The following RP1L1 variants were observed in gnomAD, a reference collection of about 807,000 sequenced individuals.
RP1L1 encodes RP1 like 1, also known as retinitis pigmentosa 1-like 1 protein.
A neutral mutation model predicts 15.7 loss-of-function variants in RP1L1; 27 were observed. The ratio of observed to expected loss-of-function variants is 1.72; its 90% CI spans 1.27 to 2.38. The LOEUF (loss-of-function observed/expected upper bound fraction) is 2.38, where lower values mean the gene tolerates loss of function less well. Ranked by LOEUF, RP1L1 falls within the 30% of genes most tolerant of loss-of-function variation. RP1L1 has a pLI of 0.00. For missense variants in RP1L1, 4,798 were observed against 3,075.9 expected, an observed-to-expected ratio of 1.56 and a Z score of -13.24; for synonymous variants, 1,813 against 1,276.7, an observed-to-expected ratio of 1.42 and a Z score of -8.96.
intron 1 of RP1L1, 99 bp from the exon 2 acceptor site, chr8:10,623,319 A>C: frequency 1.3e-5 from 11 of 871,726 alleles, no homozygotes; most frequent in Non-Finnish European, 1.9e-5. Flanking sequence ...GCCCACCCCA[A>C]ATGTGCTCCA....
intron 1 of RP1L1, among the ~76,000 whole-genome samples, chr8:10,650,047 A>G (rs1798535654): frequency 6.6e-6 from 1 of 152,162 alleles, no homozygotes; most frequent in South Asian, 2.1e-4. Context: ...ACCCTGGCCA[A>G]TGAGAGGATT....
chr8:10,608,562 G>T lies in RP1L1; in HGVS notation c.5536C>A (p.Pro1846Thr), dbSNP rs769232656. 19 of 1,610,272 alleles carry T rather than the reference G, an allele frequency of 1.2e-5. No homozygotes were observed. The highest frequency in any genetic ancestry group is 9.4e-5 in the African/African-American group (7 of 74,748). Residue 1846 changes from proline (P) to threonine (T), a missense_variant, in exon 4 of 4, where the codon CCA becomes ACA. Physicochemically the swap from Pro to Thr is conservative, Grantham distance 38. Transcript: ENST00000382483. Reference sequence around the variant, plus strand: ...GGGGCCTCTACACCTTCTGACTCTGGCTGGGCCTCCCCTTCAGCCTCCGGG... The same window carrying T: ...GGGGCCTCTACACCTTCTGACTCTGTCTGGGCCTCCCCTTCAGCCTCCGGG... ...EAPEAEGEAQ[P>T]ESEGVEAPEA... is the part of the protein sequence containing the mutation.
At position 10,611,052 on chromosome 8, in the gene RP1L1, C is replaced by T. The variant is rs1252785170; in HGVS notation, c.3046G>A (p.Gly1016Arg). 1 of 1,612,690 alleles carries T rather than the reference C, an allele frequency of 6.2e-7. No individual in the cohort carries two copies. Among genetic ancestry groups the T allele is most frequent in the African/African-American group, 1.3e-5 (1 of 74,926 alleles). ...GGCTCTGGGTCCTGGCCGGGGTCCC[C>T]TTCCAGGGACTGCTGTCCCGCCTGA... ...PAQAGQQSLE[G>R]DPGQDPEPEG... is the part of the protein sequence containing the mutation. The change falls in exon 4 of 4, where the codon GGG becomes AGG. Residue 1016 changes from glycine (G) to arginine (R), a missense_variant. By Grantham distance (125) the Gly-to-Arg change is moderately radical (BLOSUM62 -2). Transcript: ENST00000382483.
intron 1 of RP1L1, among the ~76,000 whole-genome samples, chr8:10,642,148 ATAAT>A (rs1055709228): frequency 1.3e-5 from 2 of 152,328 alleles, no homozygotes; most frequent in African/African-American, 2.4e-5. Context: ...GTATAAATCT[ATAAT>A]TAATTATCTC....
intron 1 of RP1L1, among the ~76,000 whole-genome samples, chr8:10,648,270 C>A (rs1798509005): frequency 6.6e-6 from 1 of 152,118 alleles, no homozygotes; most frequent in South Asian, 2.1e-4. Flanking sequence ...GACCTCAGGT[C>A]ATCCACCTGC....
rs759415830 is a variant in RP1L1 at position 10,607,287 on chromosome 8, G to C, written c.6811C>G (p.Pro2271Ala). The C allele has an allele frequency of 1.1e-5, 17 of 1,614,102 alleles. No homozygotes were observed. In the South Asian group the frequency reaches 1.9e-4, roughly 18 times the overall value. The change falls in exon 4 of 4, where the codon CCA (proline) becomes GCA (alanine). Residue 2271 changes from proline to alanine, a missense_variant. Physicochemically the swap from Pro to Ala is conservative, Grantham distance 27. Coordinates refer to ENST00000382483, the MANE Select transcript of RP1L1 (RefSeq NM_178857.6). ...QSEEASESSS[P>A]VPEDRPTPPP... ...GGAGTGGGCCTGTCCTCAGGGACTG[G>C]GCTGCTGCTTTCAGAAGCCTCCTCA...
intron 1 of RP1L1, among the ~76,000 whole-genome samples, chr8:10,628,475 C>T (rs962894164): frequency 2.0e-5 from 3 of 152,018 alleles, no homozygotes; most frequent in African/African-American, 7.3e-5. Context: ...ATAGATGCAC[C>T]CTCCACCCCC....
In RP1L1 at chr8:10,612,687, A is replaced by AGGAGGACTCTGGCTC. The variant is rs765639408; in HGVS notation, c.1396_1410dup (p.Glu466_Ser470dup). On this transcript the variant is annotated inframe_insertion, in exon 4 of 4. Coordinates refer to ENST00000382483, the MANE Select transcript of RP1L1 (RefSeq NM_178857.6). ...CCGTCCTCCGGGGTCCTGGGGCAGC[A>AGGAGGACTCTGGCTC]GGAGGACTCTGGCTCCGAGCCCTCG... 4.1e-5 allele frequency: 65 copies of AGGAGGACTCTGGCTC among 1,602,944 alleles called. No individual in the cohort carries two copies. Among genetic ancestry groups the AGGAGGACTCTGGCTC allele is most frequent in the Non-Finnish European group, 5.3e-5 (62 of 1,178,186 alleles).
chr8:10,625,850 C>A (rs1295467794), intron 1 of RP1L1, among the ~76,000 whole-genome samples: 1 of 152,010 alleles, frequency 6.6e-6, no homozygotes, highest in Non-Finnish European at 1.5e-5. Flanking sequence ...ACCCCAGGGT[C>A]CACTTGTACC....
rs751442769 is a variant in RP1L1, at chr8:10,622,969, A to C, written c.233T>G (p.Val78Gly). 5 of 1,613,866 alleles carry C rather than the reference A, an allele frequency of 3.1e-6. No individual in the cohort carries two copies. The highest frequency in any genetic ancestry group is 2.5e-6 in the Non-Finnish European group (3 of 1,180,004). ...GCCCCGGGGTGTGGTGACAGAGCGCACCCCAAAGGAGAGAGGCACGCGCTG... is the reference window on the plus strand; with the variant it reads ...GCCCCGGGGTGTGGTGACAGAGCGCCCCCCAAAGGAGAGAGGCACGCGCTG... The part of the protein sequence containing the change: ...LSQRVPLSFG[V>G]RSVTTPRGLH... The change falls in exon 2 of 4, where the codon GTG becomes GGG. Residue 78 changes from valine to glycine, a missense_variant. Val to Gly is a moderately radical substitution (Grantham distance 109). Transcript: ENST00000382483.
chr8:10,635,765 C>G (rs1403318335), intron 1 of RP1L1, among the ~76,000 whole-genome samples: 4 of 152,240 alleles, frequency 2.6e-5, no homozygotes, highest in African/African-American at 9.6e-5. Flanking sequence ...TTGTACCATT[C>G]TTGCAACTTT....
chr8:10,650,162 A>G (rs1198550209), intron 1 of RP1L1, among the ~76,000 whole-genome samples: 2 of 152,174 alleles, frequency 1.3e-5, no homozygotes, highest in African/African-American at 4.8e-5. Flanking sequence ...TGCTGCAACC[A>G]CCACGTGATC....
At position 10,620,613 on chromosome 8, in the gene RP1L1, A is replaced by T. The variant is rs567612145; in HGVS notation, c.609+1980T>A. Among the ~76,000 whole-genome samples the T allele has an allele frequency of 7.9e-5, 12 of 152,300 alleles. No individual in the cohort carries two copies. In the South Asian group the frequency reaches 2.5e-3, roughly 32 times the overall value. On this transcript the variant is annotated intron_variant, in intron 2 of 3. Coordinates refer to ENST00000382483, the MANE Select transcript of RP1L1 (RefSeq NM_178857.6). ...AAGAGTGAGACTCTGTCTCAAAAAA[A>T]AAGGAAGACACAACAGTGGCCCCAT...
intron 1 of RP1L1, among the ~76,000 whole-genome samples, chr8:10,646,625 C>G (rs899363955): frequency 6.6e-6 from 1 of 151,888 alleles, no homozygotes; most frequent in African/African-American, 2.4e-5. Context: ...GTGGTGTGGA[C>G]GGAGGGGACC....
At chr8:10,620,460 G>A (rs1368914728) in intron 2 of RP1L1, among the ~76,000 whole-genome samples, 1 of 152,184 alleles carries the variant, frequency 6.6e-6, no homozygotes, top group Non-Finnish European at 1.5e-5. Flanking sequence ...ACAAAAATTA[G>A]CTGGGCATAG....
rs185749010 is a variant in RP1L1 at position 10,623,125 on chromosome 8, G to A, written c.77C>T (p.Ser26Leu). 307 of 1,610,158 alleles carry A rather than the reference G, an allele frequency of 1.9e-4. 1 individual carries two copies. The highest frequency in any genetic ancestry group is 1.4e-3 in the African/African-American group (104 of 75,004). The change falls in exon 2 of 4, where the codon TCG becomes TTG. Residue 26 changes from serine to leucine, a missense_variant. By Grantham distance (145) the Ser-to-Leu change is moderately radical (BLOSUM62 -2). Coordinates refer to ENST00000382483, the MANE Select transcript of RP1L1 (RefSeq NM_178857.6). ...CTTGGCTGGCGTGACCTTGGTGACCGAGGGGGTGCGAGCCACAGAGGGCAG... is the reference window on the plus strand; with the variant it reads ...CTTGGCTGGCGTGACCTTGGTGACCAAGGGGGTGCGAGCCACAGAGGGCAG... ...CFLPSVARTP[S>L]VTKVTPAKKI...
chr8:10,608,818 G>A lies in RP1L1; in HGVS notation c.5280C>T (p.Leu1760=), dbSNP rs752335406. 1.6e-5 allele frequency: 26 copies of A among 1,613,868 alleles called. No individual in the cohort carries two copies. In the East Asian group the frequency reaches 2.7e-4, roughly 17 times the overall value. Residue 1760 remains leucine, a synonymous_variant, in exon 4 of 4, where the codon CTC becomes CTT. Transcript: ENST00000382483. The part of the protein sequence containing the change: ...QRLNRDKDPK[L]GEAEGDAMAQ... Reference sequence around the variant, plus strand: ...CCATTGCATCTCCCTCTGCCTCCCCGAGTTTGGGATCTTTGTCTCTGTTGA... The same window carrying A: ...CCATTGCATCTCCCTCTGCCTCCCCAAGTTTGGGATCTTTGTCTCTGTTGA...
At chr8:10,625,770 C>A (rs758301583) in intron 1 of RP1L1, among the ~76,000 whole-genome samples, 14 of 152,228 alleles carry the variant, frequency 9.2e-5, no homozygotes, top group Non-Finnish European at 1.9e-4. Flanking sequence ...AAGCGGGGAG[C>A]TGTGGTGGGT....
chr8:10,624,226 G>T (rs533862751), intron 1 of RP1L1, among the ~76,000 whole-genome samples: 1 of 152,128 alleles, frequency 6.6e-6, no homozygotes, highest in East Asian at 1.9e-4. Flanking sequence ...AGATTTCTGA[G>T]CATCTATTGC....
Sources: allele counts gnomAD v4.1 joint callset (sites outside exome capture counted in the v4.1 genomes callset), GRCh38; gene constraint gnomAD v4.1.1; transcripts MANE v1.5; gene names NCBI Gene and HGNC (gene_info 2026-07-23, HGNC 2026-07-21).